NRXN3: variants seen among roughly 807,000 people sequenced by gnomAD.
NRXN3 encodes the protein neurexin 3.
NRXN3 carries 32 observed loss-of-function variants against 137.6 expected under a neutral mutation model. That is an observed-to-expected ratio of 0.23 (90% CI 0.18 to 0.31). The LOEUF (loss-of-function observed/expected upper bound fraction) is 0.31. Ranked by LOEUF, NRXN3 falls within the 10% of genes least tolerant of loss-of-function variation. The pLI is 1.00. For synonymous variants in NRXN3, 798 were observed against 784.5 expected (o/e 1.02, Z -0.29); for missense variants, 1,574 against 2,062.5 (o/e 0.76, Z 4.59).
At chr14:79,412,782 C>CAAAA (rs71103803) in intron 15 of NRXN3, among the ~76,000 whole-genome samples, 633 of 59,680 alleles carry the variant, frequency 0.011, 28 homozygotes, top group Non-Finnish European at 0.012. Context: ...GACTCTGTCT[C>CAAAA]AAAAAAAAAA....
intron 6 of NRXN3, among the ~76,000 whole-genome samples, chr14:78,673,225 C>T (rs1165580840): frequency 1.2e-4 from 19 of 152,302 alleles, no homozygotes; most frequent in Non-Finnish European, 7.4e-5. Context: ...CAAAAGACCC[C>T]ATGAGTTGGG....
intron 10 of NRXN3, among the ~76,000 whole-genome samples, chr14:78,928,854 C>A (rs1398725552): frequency 6.6e-6 from 1 of 152,058 alleles, no homozygotes; most frequent in Non-Finnish European, 1.5e-5. Flanking sequence ...ATTTTTAGTT[C>A]TAGATTGAGG....
intron 15 of NRXN3, among the ~76,000 whole-genome samples, chr14:79,123,245 G>A (rs554568552): frequency 2.7e-4 from 41 of 151,842 alleles, no homozygotes; most frequent in South Asian, 6.2e-4. Context: ...GTGTGCGTGC[G>A]CGCACACACA....
chr14:79,016,235 G>T (rs1370153031), intron 15 of NRXN3, among the ~76,000 whole-genome samples: 5 of 145,360 alleles, frequency 3.4e-5, no homozygotes, highest in Middle Eastern at 3.7e-3. Flanking sequence ...ACTTTTTATT[G>T]TACACCTGGG....
At chr14:79,326,245 C>T (rs1468411725) in intron 15 of NRXN3, among the ~76,000 whole-genome samples, 1 of 152,146 alleles carries the variant, frequency 6.6e-6, no homozygotes. Flanking sequence ...TTCTTAAGGA[C>T]CTTAGTGCAT....
intron 10 of NRXN3, among the ~76,000 whole-genome samples, chr14:78,890,984 G>A (rs923525931): frequency 5.9e-5 from 9 of 151,862 alleles, no homozygotes; most frequent in Non-Finnish European, 1.0e-4. Context: ...AGGCACCAAC[G>A]GTAATAAGTA....
intron 20 of NRXN3, among the ~76,000 whole-genome samples, chr14:79,815,361 A>T (rs779381407): frequency 6.6e-6 from 1 of 152,250 alleles, no homozygotes; most frequent in East Asian, 1.9e-4. Flanking sequence ...ATAGGCCTAA[A>T]GATTTCAGAT....
At chr14:79,110,798 T>TTTA (rs59008765) in intron 15 of NRXN3, among the ~76,000 whole-genome samples, 94,123 of 135,124 alleles carry the variant, frequency 0.7, 34,113 homozygotes, top group Non-Finnish European at 0.8. Context: ...TTATTTATTT[T>TTTA]TTTATTTTTT....
chr14:79,370,685 C>T (rs190518494), intron 15 of NRXN3, among the ~76,000 whole-genome samples: 72 of 152,220 alleles, frequency 4.7e-4, no homozygotes, highest in Non-Finnish European at 7.9e-4. Context: ...CATGCTTTTA[C>T]CGCCTCAACT....
intron 10 of NRXN3, among the ~76,000 whole-genome samples, chr14:78,914,944 T>C (rs1416453990): frequency 1.3e-5 from 2 of 152,096 alleles, no homozygotes; most frequent in African/African-American, 4.8e-5. Flanking sequence ...TAAGCCTCTT[T>C]CTCTGTTCCA....
At chr14:79,003,869 C>T (rs1249630513) in intron 15 of NRXN3, among the ~76,000 whole-genome samples, 1 of 152,060 alleles carries the variant, frequency 6.6e-6, no homozygotes, top group Admixed American at 6.6e-5. Context: ...ATAATCAGTT[C>T]CAATGAGCAG....
chr14:79,395,757 G>A lies in NRXN3; in HGVS notation c.3263-71464G>A, dbSNP rs973687498. 3.3e-5 allele frequency among the ~76,000 whole-genome samples: 5 copies of A among 150,556 alleles called. No homozygotes were observed. In the East Asian group the frequency reaches 7.9e-4, roughly 24 times the overall value. On this transcript the variant is annotated intron_variant, in intron 15 of 20. Coordinates refer to ENST00000335750, the MANE Select transcript of NRXN3 (RefSeq NM_001330195.2). ...CCGGGAGGCAGAGCTTGCAGTGAGT[G>A]GAGATCATGCCACTGCACTCCCCGC...
intron 16 of NRXN3, among the ~76,000 whole-genome samples, chr14:79,486,139 C>T (rs2153647361): frequency 6.6e-6 from 1 of 152,236 alleles, no homozygotes; most frequent in Admixed American, 6.5e-5. Context: ...CATCTTGCTA[C>T]TAGCTTTAAG....
chr14:78,253,001 C>T (rs952808544), intron 2 of NRXN3, among the ~76,000 whole-genome samples: 1 of 152,060 alleles, frequency 6.6e-6, no homozygotes, highest in Non-Finnish European at 1.5e-5. Context: ...CCAGACGGGG[C>T]CCTGTATCTT....
chr14:78,320,473 T>C (rs1253134129), intron 4 of NRXN3, among the ~76,000 whole-genome samples: 2 of 152,154 alleles, frequency 1.3e-5, no homozygotes, highest in Admixed American at 1.3e-4. Context: ...TGGCCAGACA[T>C]CTCGGCTTTG....
chr14:78,492,038 C>CT, intron 4 of NRXN3, among the ~76,000 whole-genome samples: 1 of 152,258 alleles, frequency 6.6e-6, no homozygotes, highest in East Asian at 1.9e-4. Flanking sequence ...ACTTAGCTCT[C>CT]TTAGCCTCTG....
At chr14:79,040,226 T>G (rs144861661) in intron 15 of NRXN3, among the ~76,000 whole-genome samples, 4 of 152,310 alleles carry the variant, frequency 2.6e-5, no homozygotes, top group Admixed American at 1.3e-4. Flanking sequence ...CTGCCTAAGT[T>G]TTTGGCCTGC....
intron 15 of NRXN3, among the ~76,000 whole-genome samples, chr14:79,293,296 A>C (rs2083492138): frequency 6.6e-6 from 1 of 152,192 alleles, no homozygotes; most frequent in South Asian, 2.1e-4. Context: ...AGGAATGATC[A>C]TGCCCCTAAA....
intron 10 of NRXN3, among the ~76,000 whole-genome samples, chr14:78,905,641 C>T (rs1345876689): frequency 1.3e-5 from 2 of 151,876 alleles, no homozygotes; most frequent in Non-Finnish European, 2.9e-5. Flanking sequence ...AATGTCATAG[C>T]TTTTTTGAAT....
Sources: allele counts gnomAD v4.1 joint callset (sites outside exome capture counted in the v4.1 genomes callset), GRCh38; gene constraint gnomAD v4.1.1; transcripts MANE v1.5; gene names NCBI Gene and HGNC (gene_info 2026-07-23, HGNC 2026-07-21).